Variants in FSTL4 observed in about 807,000 individuals in gnomAD.
The protein encoded by FSTL4 is follistatin like 4, also known as follistatin-related protein 4.
FSTL4 carries 28 observed loss-of-function variants against 78.2 expected under a neutral mutation model. The observed-to-expected ratio is 0.36, with a 90% CI of 0.27 to 0.49. The LOEUF (loss-of-function observed/expected upper bound fraction) is 0.49, where lower values mean the gene tolerates loss of function less well. FSTL4 is among the 20% of genes least tolerant of loss of function. FSTL4 has a pLI of 0.98. For synonymous variants in FSTL4, 422 were observed against 440.5 expected, an observed-to-expected ratio of 0.96 and a Z score of 0.53; for missense variants, 922 against 1,084.9, an observed-to-expected ratio of 0.85 and a Z score of 2.11.
intron 7 of FSTL4, among the ~76,000 whole-genome samples, chr5:133,239,196 A>C (rs532326544): frequency 1.4e-3 from 210 of 152,040 alleles, no homozygotes; most frequent in Middle Eastern, 0.01. Context: ...AAGGCTCAGG[A>C]TCTGCAGCCC....
chr5:133,408,187 C>T (rs1211255058), intron 3 of FSTL4, among the ~76,000 whole-genome samples: 3 of 152,144 alleles, frequency 2.0e-5, no homozygotes, highest in African/African-American at 7.2e-5. Context: ...AGTAAGTAAT[C>T]CTTGGGCAGA....
the FSTL4 span, among the ~76,000 whole-genome samples, chr5:133,798,323 G>C: frequency 6.6e-6 from 1 of 152,112 alleles, no homozygotes; most frequent in African/African-American, 2.4e-5. Context: ...CAGCCATCTC[G>C]CTTCCCAGAG....
chr5:133,667,469 A>G, the FSTL4 span, among the ~76,000 whole-genome samples: 2 of 152,216 alleles, frequency 1.3e-5, no homozygotes, highest in Non-Finnish European at 2.9e-5. Context: ...CATCCCAACC[A>G]GTGTTAAAAC....
chr5:133,799,077 AAAG>A, the FSTL4 span, among the ~76,000 whole-genome samples: 5 of 134,738 alleles, frequency 3.7e-5, no homozygotes. Context: ...GGAGGAAAGG[AAAG>A]AAGGAGGGAA....
At chr5:133,820,068 G>A in the FSTL4 span, among the ~76,000 whole-genome samples, 6 of 152,116 alleles carry the variant, frequency 3.9e-5, no homozygotes, top group Admixed American at 2.0e-4. Flanking sequence ...TTCCCAGCAC[G>A]GCACGGCGCA....
chr5:133,335,870 A>G (rs1754453166), intron 4 of FSTL4, among the ~76,000 whole-genome samples: 1 of 152,100 alleles, frequency 6.6e-6, no homozygotes, highest in African/African-American at 2.4e-5. Context: ...CACACCCATG[A>G]GGGGTGCTTC....
At chr5:133,256,807 C>G (rs1356602286) in intron 6 of FSTL4, among the ~76,000 whole-genome samples, 1 of 152,218 alleles carries the variant, frequency 6.6e-6, no homozygotes, top group Admixed American at 6.5e-5. Context: ...TAACCAGATT[C>G]AATCTTCCTG....
intron 3 of FSTL4, among the ~76,000 whole-genome samples, chr5:133,554,324 A>C (rs931880077): frequency 5.9e-5 from 9 of 152,204 alleles, no homozygotes; most frequent in African/African-American, 2.2e-4. Flanking sequence ...CAAGTCATCT[A>C]CATGGGCCTC....
intron 3 of FSTL4, among the ~76,000 whole-genome samples, chr5:133,539,530 A>C (rs1759425083): frequency 7.0e-6 from 1 of 142,700 alleles, no homozygotes; most frequent in South Asian, 2.2e-4. Context: ...AGATATTTTC[A>C]TTTAAAAAGG....
the FSTL4 span, among the ~76,000 whole-genome samples, chr5:133,695,052 G>A: frequency 1.3e-5 from 2 of 152,032 alleles, no homozygotes; most frequent in South Asian, 4.2e-4. Context: ...TGAGGGCTAG[G>A]ATCCTCAGGT....
chr5:133,372,345 C>A (rs147694215), intron 4 of FSTL4, among the ~76,000 whole-genome samples: 44 of 152,110 alleles, frequency 2.9e-4, no homozygotes, highest in African/African-American at 1.0e-3. Context: ...TGATCCTAGT[C>A]TTTGCCCCCT....
the FSTL4 span, among the ~76,000 whole-genome samples, chr5:133,829,474 G>T: frequency 6.6e-6 from 1 of 152,188 alleles, no homozygotes; most frequent in South Asian, 2.1e-4. Flanking sequence ...CCTTCCCTGT[G>T]CCCTGCTCTC....
At chr5:133,811,885 G>C in the FSTL4 span, among the ~76,000 whole-genome samples, 1 of 152,184 alleles carries the variant, frequency 6.6e-6, no homozygotes. Context: ...ATAGACTCAA[G>C]ACCCTCCTCC....
the FSTL4 span, among the ~76,000 whole-genome samples, chr5:133,635,003 C>T: frequency 0.28 from 42,924 of 151,628 alleles, 6,375 homozygotes; most frequent in Non-Finnish European, 0.32. Flanking sequence ...TTATTGCATC[C>T]TTGGTGGAAG....
intron 6 of FSTL4, among the ~76,000 whole-genome samples, chr5:133,285,512 G>A (rs1310529046): frequency 6.6e-6 from 1 of 152,184 alleles, no homozygotes; most frequent in East Asian, 1.9e-4. Context: ...CCTCAGAACT[G>A]CCATGGAGTA....
intron 14 of FSTL4, 55 bp from the exon 15 acceptor site, chr5:133,202,097 T>C: frequency 1.8e-6 from 2 of 1,140,118 alleles, no homozygotes; most frequent in Non-Finnish European, 2.6e-6. Flanking sequence ...GGGCTGAACC[T>C]GGAGACACCT....
chr5:133,765,611 C>A, the FSTL4 span, among the ~76,000 whole-genome samples: 1 of 152,076 alleles, frequency 6.6e-6, no homozygotes, highest in Non-Finnish European at 1.5e-5. Flanking sequence ...GAGAGTCCAT[C>A]AGTGATTCTT....
chr5:133,354,210 C>T (rs1014954659), intron 4 of FSTL4, among the ~76,000 whole-genome samples: 7 of 152,098 alleles, frequency 4.6e-5, no homozygotes, highest in South Asian at 2.1e-4. Context: ...GATGATGCTA[C>T]GGACCAGGTG....
chr5:133,239,655 T>C (rs1292449278), intron 7 of FSTL4, among the ~76,000 whole-genome samples: 1 of 152,174 alleles, frequency 6.6e-6, no homozygotes, highest in East Asian at 1.9e-4. Context: ...CAGCACTCTG[T>C]ATCTAGCTCA....
Sources: allele counts gnomAD v4.1 joint callset (sites outside exome capture counted in the v4.1 genomes callset), GRCh38; gene constraint gnomAD v4.1.1; transcripts MANE v1.5; gene names NCBI Gene and HGNC (gene_info 2026-07-23, HGNC 2026-07-21).